The following HLA-DPA1 variants were observed in gnomAD, a reference collection of about 807,000 sequenced individuals.
The protein encoded by HLA-DPA1 is HLA class II histocompatibility antigen, DP alpha 1 chain.
Under a neutral mutation model 21.5 loss-of-function variants are expected in HLA-DPA1, and 20 were observed. The ratio of observed to expected loss-of-function variants is 0.93; its 90% confidence interval spans 0.66 to 1.35. The LOEUF is 1.35. Ranked by LOEUF, HLA-DPA1 falls within the 40% of genes most tolerant of loss-of-function variation. The pLI is 0.00. For synonymous variants in HLA-DPA1, 123 were observed against 129.6 expected (o/e 0.95, Z 0.35); for missense variants, 279 against 323.0 (o/e 0.86, Z 1.05).
At chr6:33,078,121 G>GGAAACCCA (rs1762643692) in intron 1 of HLA-DPA1, among the ~76,000 whole-genome samples, 1 of 152,038 alleles carries the variant, frequency 6.6e-6, no homozygotes, top group Non-Finnish European at 1.5e-5. Flanking sequence ...GAGCCACCAA[G>GGAAACCCA]GAAACCCAGA....
upstream of HLA-DPA1, chr6:33,080,735 A>T (rs770346059): frequency 1.2e-6 from 2 of 1,613,582 alleles, no homozygotes; most frequent in Non-Finnish European, 1.7e-6. This position sits in a 1 kb window ranked among gnomAD's most constrained non-coding sequence, Gnocchi z 4.3. Flanking sequence ...CGCTTCCTGG[A>T]GAGATACATC....
At chr6:33,079,710 A>C in intron 1 of HLA-DPA1, 1 of 509,902 alleles carries the variant, frequency 2.0e-6, no homozygotes. Context: ...AAGGAGCTGA[A>C]AGTGCTGCTG....
At chr6:33,079,805 C>T (rs1415751028) in intron 1 of HLA-DPA1, 7 of 457,784 alleles carry the variant, frequency 1.5e-5, no homozygotes, top group Admixed American at 1.4e-4. Context: ...GTCACCCAGC[C>T]GGCCATCAGA....
chr6:33,080,121 C>A lies in HLA-DPA1; in HGVS notation c.-100+559G>T, dbSNP rs2567281. Among the ~76,000 whole-genome samples the A allele has an allele frequency of 0.18, 27,919 of 152,132 alleles. 4,687 individuals carry two copies. The highest frequency in any genetic ancestry group is 0.45 in the African/African-American group (18,688 of 41,454). The stretch of plus-strand genomic sequence containing the variant: ...AAGAAATATATTTCTACATCTCCTA[C>A]ATGCAAAACAACAGGAGCAAGTTGA... On this transcript the variant is annotated intron_variant, in intron 1 of 5. Transcript: ENST00000419277. This position sits in a 1 kb window ranked among gnomAD's most constrained non-coding sequence, Gnocchi z 4.3.
intron 1 of HLA-DPA1, among the ~76,000 whole-genome samples, chr6:33,078,593 G>A (rs1762675677): frequency 6.6e-6 from 1 of 151,618 alleles, no homozygotes; most frequent in South Asian, 2.1e-4. Flanking sequence ...CAATTGCTAA[G>A]GGTTCCACAA....
chr6:33,072,913 A>G (rs950624174), intron 2 of HLA-DPA1, among the ~76,000 whole-genome samples: 1 of 152,222 alleles, frequency 6.6e-6, no homozygotes, highest in Admixed American at 6.5e-5. Context: ...AGACCCAGGA[A>G]GAGCCCTAGG....
chr6:33,068,687 C>T (rs770307009), exon 5 of HLA-DPA1: 63 of 1,612,870 alleles, frequency 3.9e-5, no homozygotes, highest in South Asian at 5.5e-5. Context: ...ATGGCCAGAA[C>T]GCAGAGACTT....
Position 33,080,189 on chromosome 6 carries a change from A to G in HLA-DPA1, c.-100+491T>C, listed in dbSNP as rs879446365. On this transcript the variant is annotated intron_variant, in intron 1 of 5. Transcript: ENST00000419277. This position sits in a 1 kb window ranked among gnomAD's most constrained non-coding sequence, Gnocchi z 4.3. ...GGTCGAGAAGAGAGAGCGCTTAGCTATGGAAAAGAGAAAGAAGGAAGGGAG... is the reference window on the plus strand; with the variant it reads ...GGTCGAGAAGAGAGAGCGCTTAGCTGTGGAAAAGAGAAAGAAGGAAGGGAG... Among the ~76,000 whole-genome samples, 2 of 152,212 alleles carry G rather than the reference A, an allele frequency of 1.3e-5. No individual in the cohort carries two copies. The highest frequency in any genetic ancestry group is 6.5e-5 in the Admixed American group (1 of 15,288).
chr6:33,077,099 A>T (rs374996460), intron 1 of HLA-DPA1, among the ~76,000 whole-genome samples: 1 of 116,570 alleles, frequency 8.6e-6, no homozygotes, highest in African/African-American at 3.4e-5. Context: ...GCCCCGGTGT[A>T]TGATGTTCCC....
Position 33,080,624 on chromosome 6 carries a change from G to A in HLA-DPA1, c.-100+56C>T. The stretch of plus-strand genomic sequence containing the variant: ...TATTGAGAGAGAGAGGGAGAAAGAG[G>A]ATTAGATGAGAGTGGCGCCTCCGCT... On this transcript the variant is annotated intron_variant, in intron 1 of 5. Transcript: ENST00000419277. The surrounding 1 kb of genome is among the most constrained non-coding windows in gnomAD (Gnocchi z 4.3). 1 of 1,609,268 alleles carries A rather than the reference G, an allele frequency of 6.2e-7. No individual in the cohort carries two copies. The highest frequency in any genetic ancestry group is 1.3e-5 in the African/African-American group (1 of 74,846).
In HLA-DPA1 at chr6:33,074,901, C is replaced by A. The variant is rs185720478; in HGVS notation, c.-99-1232G>T. Among the ~76,000 whole-genome samples, 24 of 152,326 alleles carry A rather than the reference C, an allele frequency of 1.6e-4. 1 individual carries two copies. In the East Asian group the frequency reaches 4.2e-3, roughly 27 times the overall value. Reference sequence around the variant, plus strand: ...CCTGGCCCCTTAATCCTACTAGACACCTTCTACTACATAATTATTTTCTTC... The same window carrying A: ...CCTGGCCCCTTAATCCTACTAGACAACTTCTACTACATAATTATTTTCTTC... On this transcript the variant is annotated intron_variant, in intron 1 of 5. Transcript: ENST00000419277.
rs533112265 is a variant in HLA-DPA1 at position 33,071,114 on chromosome 6, A to T, written c.101-1228T>A. Among the ~76,000 whole-genome samples the T allele has an allele frequency of 7.5e-5, 10 of 133,740 alleles. No homozygotes were observed. The East Asian group carries it at 3.6e-3, about 48-fold the overall frequency. 87.7% of individuals were successfully genotyped at this position (133,740 alleles called of 152,430 possible). On this transcript the variant is annotated intron_variant, in intron 2 of 5. Coordinates refer to ENST00000419277, the Ensembl canonical transcript of HLA-DPA1. ...TTCCCTGTGAGTTTTCAGCCCTGAC[A>T]TGTGGGGACCCAGTCTGTGCTTGGC...
chr6:33,073,100 T>C (rs9380339), intron 2 of HLA-DPA1, among the ~76,000 whole-genome samples: 43,452 of 152,134 alleles, frequency 0.29, 8,143 homozygotes, highest in East Asian at 0.66. Flanking sequence ...AGGCAGTGTA[T>C]GACCCTCAGA....
At chr6:33,077,822 G>GATGGAATCTACCTGAAATTT (rs1762623181) in intron 1 of HLA-DPA1, among the ~76,000 whole-genome samples, 2 of 152,112 alleles carry the variant, frequency 1.3e-5, no homozygotes, top group Non-Finnish European at 2.9e-5. Flanking sequence ...TTTCAGGGTA[G>GATGGAATCTACCTGAAATTT]CAAGGTTGGA....
intron 5 of HLA-DPA1, 173 bp downstream of exon 4, chr6:33,068,465 T>C (rs67476989): frequency 0.23 from 121,904 of 534,702 alleles, 20,406 homozygotes; most frequent in East Asian, 0.63. Context: ...TAAATGTAAA[T>C]CCTCAGAATA....
At chr6:33,079,396 T>C (rs17214657) in intron 1 of HLA-DPA1, 20,082 of 187,536 alleles carry the variant, frequency 0.11, 2,223 homozygotes, top group African/African-American at 0.3. Flanking sequence ...ATTACATCAA[T>C]GCTGTCTTCC....
At chr6:33,070,802 A>G (rs57389774) in intron 2 of HLA-DPA1, among the ~76,000 whole-genome samples, 43,461 of 152,058 alleles carry the variant, frequency 0.29, 8,134 homozygotes, top group East Asian at 0.66. Flanking sequence ...ATTTCATCAC[A>G]CAGGTACTAA....
At chr6:33,074,700 C>T (rs1762450380) in intron 1 of HLA-DPA1, among the ~76,000 whole-genome samples, 1 of 152,068 alleles carries the variant, frequency 6.6e-6, no homozygotes, top group South Asian at 2.1e-4. Flanking sequence ...CATGCATTAC[C>T]TCATTTAAAC....
At chr6:33,069,663 G>A in exon 3 of HLA-DPA1, 1 of 1,612,400 alleles carries the variant, frequency 6.2e-7, no homozygotes. Flanking sequence ...GAGTGTGGTT[G>A]GAACGCTGGA....
Sources: gnomAD v4.1 joint callset for allele counts (sites outside exome capture counted in the v4.1 genomes callset) on GRCh38, gnomAD v4.1.1 for gene constraint, Gnocchi (gnomAD v3.1) non-coding constraint, MANE v1.5 for transcripts, NCBI Gene and HGNC (gene_info 2026-07-23, HGNC 2026-07-21) for gene names.